The following PDE4D variants were observed in gnomAD, a reference collection of about 807,000 sequenced individuals.
PDE4D encodes phosphodiesterase 4D.
In PDE4D, 24 loss-of-function variants were observed where a neutral mutation model predicts 87.4. The ratio of observed to expected loss-of-function variants is 0.27; its 90% CI spans 0.20 to 0.39. The LOEUF (loss-of-function observed/expected upper bound fraction) is 0.39. Ranked by LOEUF, PDE4D falls within the 10% of genes least tolerant of loss-of-function variation. The probability of loss-of-function intolerance (pLI) is 1.00; values close to 1 mark genes in which losing one functional copy is unlikely to be tolerated. For missense variants in PDE4D, 714 were observed against 1,041.0 expected (o/e 0.69, Z 4.32); for synonymous variants, 384 against 383.2 (o/e 1.00, Z -0.02).
At chr5:60,230,260 A>T (rs1745643073) in intron 1 of PDE4D, among the ~76,000 whole-genome samples, 1 of 152,114 alleles carries the variant, frequency 6.6e-6, no homozygotes, top group African/African-American at 2.4e-5. Context: ...GGCTTTATTG[A>T]TTTTCAAATG....
At chr5:59,464,160 C>A in intron 1 of PDE4D, among the ~76,000 whole-genome samples, 1 of 152,138 alleles carries the variant, frequency 6.6e-6, no homozygotes, top group Non-Finnish European at 1.5e-5. Context: ...GAAATATGGC[C>A]TCGTGGGAAG....
intron 1 of PDE4D, among the ~76,000 whole-genome samples, chr5:59,744,720 A>G (rs1275602703): frequency 6.6e-6 from 1 of 152,212 alleles, no homozygotes; most frequent in African/African-American, 2.4e-5. Flanking sequence ...CCATTACTGT[A>G]ATGACCTGAA....
chr5:59,264,707 C>T (rs1391872812), intron 1 of PDE4D, among the ~76,000 whole-genome samples: 1 of 151,922 alleles, frequency 6.6e-6, no homozygotes, highest in African/African-American at 2.4e-5. Context: ...CAAAATAATG[C>T]TTTTACAGTT....
At chr5:59,056,472 G>A (rs950621614) in intron 5 of PDE4D, among the ~76,000 whole-genome samples, 6 of 152,182 alleles carry the variant, frequency 3.9e-5, no homozygotes, top group African/African-American at 1.4e-4. Flanking sequence ...TGGGATACAT[G>A]TGCAGAACGT....
chr5:59,476,539 G>A (rs1330560026), intron 1 of PDE4D, among the ~76,000 whole-genome samples: 3 of 152,032 alleles, frequency 2.0e-5, no homozygotes, highest in Non-Finnish European at 4.4e-5. Context: ...ACATTCTACT[G>A]CATGTGTTCA....
At chr5:59,016,182 C>T (rs552936615) in intron 6 of PDE4D, among the ~76,000 whole-genome samples, 4 of 152,064 alleles carry the variant, frequency 2.6e-5, no homozygotes, top group Non-Finnish European at 4.4e-5. Flanking sequence ...ATGTAAATGA[C>T]GAGTTAATGG....
chr5:59,734,119 A>C (rs1757753383), intron 1 of PDE4D, among the ~76,000 whole-genome samples: 1 of 152,144 alleles, frequency 6.6e-6, no homozygotes, highest in South Asian at 2.1e-4. Flanking sequence ...TCCTCAGATT[A>C]CACGCACACC....
At chr5:59,319,476 A>G (rs975391026) in intron 1 of PDE4D, among the ~76,000 whole-genome samples, 1 of 152,130 alleles carries the variant, frequency 6.6e-6, no homozygotes, top group East Asian at 1.9e-4. Flanking sequence ...ATTTGCTCAC[A>G]GTCTGCAGAC....
intron 1 of PDE4D, among the ~76,000 whole-genome samples, chr5:60,382,135 C>A (rs1761901747): frequency 6.6e-6 from 1 of 151,966 alleles, no homozygotes; most frequent in East Asian, 1.9e-4. Flanking sequence ...AGAAGTTTGT[C>A]TTATGAGCAA....
chr5:59,464,170 G>A (rs1218846782), intron 1 of PDE4D, among the ~76,000 whole-genome samples: 2 of 152,110 alleles, frequency 1.3e-5, no homozygotes, highest in Non-Finnish European at 2.9e-5. Context: ...CTCGTGGGAA[G>A]GGAAAGACCT....
At chr5:59,594,628 T>C (rs1189212001) in intron 1 of PDE4D, among the ~76,000 whole-genome samples, 1 of 151,996 alleles carries the variant, frequency 6.6e-6, no homozygotes, top group East Asian at 1.9e-4. Context: ...GGCCCACCCA[T>C]ATAACTTAAG....
chr5:60,483,833 C>G (rs1748920442), intron 1 of PDE4D, among the ~76,000 whole-genome samples: 1 of 152,104 alleles, frequency 6.6e-6, no homozygotes, highest in Non-Finnish European at 1.5e-5. Context: ...TGTGATTCCT[C>G]TATAATTTCT....
At chr5:59,030,183 A>G (rs1366658479) in intron 6 of PDE4D, among the ~76,000 whole-genome samples, 1 of 152,154 alleles carries the variant, frequency 6.6e-6, no homozygotes, top group Admixed American at 6.5e-5. Flanking sequence ...AAATAGACAA[A>G]TAGGACTACA....
At chr5:59,346,323 A>G (rs960689970) in intron 1 of PDE4D, among the ~76,000 whole-genome samples, 1 of 152,172 alleles carries the variant, frequency 6.6e-6, no homozygotes, top group African/African-American at 2.4e-5. Flanking sequence ...ATTCACACCC[A>G]TCATTTTATA....
At position 59,276,618 on chromosome 5, in the gene PDE4D, A is replaced by G. The variant is rs1228871555; in HGVS notation, c.456-60650T>C. ...GGATCAGAACATACTGGAATTTTAA[A>G]CTGAAAAATTGAATGTATTATTCCT... On this transcript the variant is annotated intron_variant, in intron 1 of 14. Transcript: ENST00000340635. 2.0e-5 allele frequency among the ~76,000 whole-genome samples: 3 copies of G among 152,116 alleles called. No homozygotes were observed. The East Asian group carries it at 5.8e-4, about 29-fold the overall frequency.
chr5:59,932,975 T>C (rs1446036909), intron 3 of PDE4D, among the ~76,000 whole-genome samples: 1 of 152,192 alleles, frequency 6.6e-6, no homozygotes, highest in Non-Finnish European at 1.5e-5. Flanking sequence ...CTCCCTTTTC[T>C]GGGGCAGCAA....
intron 1 of PDE4D, among the ~76,000 whole-genome samples, chr5:60,207,754 T>C (rs1357026828): frequency 2.0e-5 from 3 of 152,234 alleles, no homozygotes; most frequent in Non-Finnish European, 2.9e-5. Context: ...GACAGAGCTG[T>C]TACATGAAGT....
intron 1 of PDE4D, among the ~76,000 whole-genome samples, chr5:59,402,865 T>G (rs761068555): frequency 2.3e-4 from 35 of 152,204 alleles, no homozygotes; most frequent in Non-Finnish European, 4.6e-4. Context: ...CCTCTCTACT[T>G]CCCTCTTTCT....
At chr5:59,981,442 C>T (rs1761924600) in intron 3 of PDE4D, among the ~76,000 whole-genome samples, 1 of 152,038 alleles carries the variant, frequency 6.6e-6, no homozygotes, top group South Asian at 2.1e-4. Flanking sequence ...CAAAAGAATC[C>T]AATTTTGTCT....
Sources: gnomAD v4.1 joint callset for allele counts (sites outside exome capture counted in the v4.1 genomes callset) on GRCh38, gnomAD v4.1.1 for gene constraint, MANE v1.5 for transcripts, NCBI Gene and HGNC (gene_info 2026-07-23, HGNC 2026-07-21) for gene names.